SKAP1: variants seen among roughly 807,000 people sequenced by gnomAD.
SKAP1 encodes the protein src kinase associated phosphoprotein 1.
In SKAP1, 44 loss-of-function variants were observed where a neutral mutation model predicts 58.5. The observed-to-expected ratio is 0.75, with a 90% CI of 0.59 to 0.97. SKAP1 has a LOEUF of 0.97. Among genes scored for constraint, SKAP1 ranks in the 50% least tolerant of loss-of-function variants. SKAP1 has a pLI of 0.00. For missense variants in SKAP1, 390 were observed against 435.2 expected, an observed-to-expected ratio of 0.90 and a Z score of 0.92; for synonymous variants, 127 against 149.7, an observed-to-expected ratio of 0.85 and a Z score of 1.11.
chr17:48,268,140 A>T (rs2065578632), intron 4 of SKAP1, among the ~76,000 whole-genome samples: 1 of 152,180 alleles, frequency 6.6e-6, no homozygotes, highest in East Asian at 1.9e-4. Context: ...GGCCTCATGC[A>T]ATATAATAAG....
chr17:48,405,014 A>ATAGATATGACCTGT (rs1286524132), intron 1 of SKAP1, among the ~76,000 whole-genome samples: 4 of 152,198 alleles, frequency 2.6e-5, no homozygotes, highest in Non-Finnish European at 5.9e-5. Context: ...ACAATCCACA[A>ATAGATATGACCTGT]TAGATATGAC....
Position 48,180,039 on chromosome 17 carries a change from G to C in SKAP1, c.826+15C>G, listed in dbSNP as rs371753409. 1.3e-6 allele frequency: 2 copies of C among 1,565,762 alleles called. No homozygotes were observed. The highest frequency in any genetic ancestry group is 1.4e-5 in the African/African-American group (1 of 72,430). ...TGAAACTAGCATAAGATAATCAGAG[G>C]ACAAAATTTCTCACCTGGCAAGACT... On this transcript the variant is annotated intron_variant, in intron 9 of 12. Coordinates refer to ENST00000336915, the MANE Select transcript of SKAP1 (RefSeq NM_003726.4).
intron 4 of SKAP1, among the ~76,000 whole-genome samples, chr17:48,234,094 T>C (rs1250809130): frequency 1.1e-4 from 17 of 152,224 alleles, no homozygotes; most frequent in African/African-American, 4.1e-4. Flanking sequence ...TATTTATGCT[T>C]TAATGCCTTT....
chr17:48,432,084 G>T (rs1259864394), upstream of SKAP1, among the ~76,000 whole-genome samples: 1 of 152,202 alleles, frequency 6.6e-6, no homozygotes, highest in Non-Finnish European at 1.5e-5. Context: ...GCTGGCATGA[G>T]CCTCTCTGGG....
At chr17:48,385,443 T>C (rs941745805) in intron 2 of SKAP1, among the ~76,000 whole-genome samples, 1 of 151,994 alleles carries the variant, frequency 6.6e-6, no homozygotes, top group African/African-American at 2.4e-5. Flanking sequence ...AGAGACATAA[T>C]GAAGAAGGAA....
At chr17:48,212,485 T>C (rs907609742) in intron 4 of SKAP1, among the ~76,000 whole-genome samples, 1 of 152,162 alleles carries the variant, frequency 6.6e-6, no homozygotes, top group Non-Finnish European at 1.5e-5. Flanking sequence ...CGCTAGCTGT[T>C]AGTGCTCACA....
chr17:48,429,987 G>A (rs1042804179), intron 1 of SKAP1, 88 bp downstream of exon 1: 2 of 1,101,178 alleles, frequency 1.8e-6, no homozygotes, highest in South Asian at 8.9e-5. Flanking sequence ...GAGTGACGAA[G>A]CCGTAAAGAA....
chr17:48,166,693 A>C (rs1288589114), intron 10 of SKAP1, among the ~76,000 whole-genome samples: 2 of 152,214 alleles, frequency 1.3e-5, no homozygotes, highest in Non-Finnish European at 2.9e-5. Context: ...GTTATGGAAA[A>C]GAGAGACAAA....
chr17:48,231,924 A>G (rs1598450293), intron 4 of SKAP1: 1 of 152,244 alleles, frequency 6.6e-6, no homozygotes, highest in East Asian at 1.9e-4. Flanking sequence ...AAACAAAGGC[A>G]CACGTTACTG....
chr17:48,404,561 C>T (rs777894717), intron 1 of SKAP1, among the ~76,000 whole-genome samples: 3 of 152,116 alleles, frequency 2.0e-5, no homozygotes, highest in Non-Finnish European at 4.4e-5. Context: ...CTAAATTACA[C>T]ATTTACATAG....
At chr17:48,353,897 CA>C (rs200738005) in intron 3 of SKAP1, among the ~76,000 whole-genome samples, 10,259 of 60,558 alleles carry the variant, frequency 0.17, 308 homozygotes, top group East Asian at 0.33. Flanking sequence ...GACTCTGTCT[CA>C]AAAAAAAAAA....
chr17:48,427,292 G>T (rs918569299), intron 1 of SKAP1, among the ~76,000 whole-genome samples: 1 of 152,098 alleles, frequency 6.6e-6, no homozygotes, highest in African/African-American at 2.4e-5. Context: ...ATATGCCATG[G>T]ACACTTTCCA....
In SKAP1 at chr17:48,213,309, C is replaced by G. The variant is rs528485379; in HGVS notation, c.281-23809G>C. Among the ~76,000 whole-genome samples the G allele has an allele frequency of 2.1e-5, 3 of 141,796 alleles. No individual in the cohort carries two copies. The South Asian group carries it at 6.8e-4, about 32-fold the overall frequency. 93.0% of individuals were successfully genotyped at this position (141,796 alleles called of 152,430 possible). On this transcript the variant is annotated intron_variant, in intron 4 of 12. Transcript: ENST00000336915. ...AGGTTGCAGTGAGCCGAGATCACAC[C>G]ATTGCACTCCAGCCTGGGCAACAAG...
At chr17:48,422,818 G>A (rs1223634082) in intron 1 of SKAP1, among the ~76,000 whole-genome samples, 1 of 152,058 alleles carries the variant, frequency 6.6e-6, no homozygotes, top group African/African-American at 2.4e-5. Flanking sequence ...TAGACGTAAT[G>A]AAAATGAGAC....
At chr17:48,248,384 T>C (rs1000014850) in intron 4 of SKAP1, among the ~76,000 whole-genome samples, 2 of 152,042 alleles carry the variant, frequency 1.3e-5, no homozygotes, top group Non-Finnish European at 2.9e-5. Flanking sequence ...CTGGCCAACA[T>C]GGTGAAACTC....
intron 4 of SKAP1, among the ~76,000 whole-genome samples, chr17:48,303,733 G>A (rs761503822): frequency 3.3e-5 from 5 of 152,062 alleles, no homozygotes; most frequent in Non-Finnish European, 7.4e-5. Context: ...TGACTCCAAT[G>A]GGTATTTCCA....
At chr17:48,428,410 A>G (rs867945134) in intron 1 of SKAP1, among the ~76,000 whole-genome samples, 3 of 152,364 alleles carry the variant, frequency 2.0e-5, no homozygotes, top group South Asian at 2.1e-4. Flanking sequence ...GAAGACTTCA[A>G]TTAAAAACAG....
At position 48,184,649 on chromosome 17, in the gene SKAP1, A is replaced by T. The variant is rs573703520; in HGVS notation, c.567+74T>A. The T allele has an allele frequency of 8.8e-5, 139 of 1,584,440 alleles. No homozygotes were observed. In the African/African-American group the frequency reaches 1.6e-3, roughly 18 times the overall value. ...AAGAAAGGCTGGAACCCAGCATAGC[A>T]ACCATGGCTCACATGCAATACAGAA... On this transcript the variant is annotated intron_variant, in intron 7 of 12. Transcript: ENST00000336915.
intron 4 of SKAP1, among the ~76,000 whole-genome samples, chr17:48,292,990 G>A (rs1486296109): frequency 1.3e-5 from 2 of 152,040 alleles, no homozygotes; most frequent in Non-Finnish European, 2.9e-5. Context: ...GCACACTGGG[G>A]CAAGTTCATT....
Sources: allele counts gnomAD v4.1 joint callset (sites outside exome capture counted in the v4.1 genomes callset), GRCh38; gene constraint gnomAD v4.1.1; transcripts MANE v1.5; gene names NCBI Gene and HGNC (gene_info 2026-07-23, HGNC 2026-07-21).